Variants in IL15 observed in about 807,000 individuals in gnomAD.
IL15 encodes the protein interleukin-15.
In IL15, 11 loss-of-function variants were observed where a neutral mutation model predicts 19.6. The observed-to-expected ratio is 0.56, with a 90% CI of 0.35 to 0.93. The LOEUF (loss-of-function observed/expected upper bound fraction) is 0.93, where lower values mean the gene tolerates loss of function less well. IL15 is among the 40% of genes least tolerant of loss of function. IL15 has a pLI of 0.01. For synonymous variants in IL15, 58 were observed against 59.6 expected, an observed-to-expected ratio of 0.97 and a Z score of 0.12; for missense variants, 197 against 186.5, an observed-to-expected ratio of 1.06 and a Z score of -0.33.
chr4:141,667,154 A>C (rs1028878867), intron 2 of IL15, among the ~76,000 whole-genome samples: 9 of 152,228 alleles, frequency 5.9e-5, no homozygotes, highest in Admixed American at 5.9e-4. Flanking sequence ...GCATCTCTTC[A>C]TCTGACTGTT....
intron 1 of IL15, among the ~76,000 whole-genome samples, chr4:141,646,417 CT>C (rs1727226423): frequency 6.6e-6 from 1 of 152,078 alleles, no homozygotes. Context: ...GCTGTTCCTT[CT>C]TCCTAGAATG....
At chr4:141,645,209 G>A (rs1578984694) in intron 1 of IL15, among the ~76,000 whole-genome samples, 1 of 152,138 alleles carries the variant, frequency 6.6e-6, no homozygotes, top group African/African-American at 2.4e-5. Context: ...GAAAATCCTT[G>A]AGACAAGTTC....
At chr4:141,658,110 A>T (rs541305132) in intron 2 of IL15, among the ~76,000 whole-genome samples, 1 of 151,934 alleles carries the variant, frequency 6.6e-6, no homozygotes, top group African/African-American at 2.4e-5. Context: ...CATGGGGCAA[A>T]CTTCCCCCTT....
chr4:141,712,313 G>T (rs568682539), intron 2 of IL15, among the ~76,000 whole-genome samples: 65 of 152,168 alleles, frequency 4.3e-4, no homozygotes, highest in African/African-American at 1.5e-3. Flanking sequence ...ATTGTTTCCG[G>T]ACAGTAGGTT....
At chr4:141,651,277 G>A (rs1208315929) in intron 1 of IL15, among the ~76,000 whole-genome samples, 1 of 151,878 alleles carries the variant, frequency 6.6e-6, no homozygotes, top group African/African-American at 2.4e-5. Flanking sequence ...CACGTCTTTT[G>A]CAGCAACATG....
chr4:141,714,181 T>C (rs1381276042), intron 2 of IL15, among the ~76,000 whole-genome samples: 4 of 152,022 alleles, frequency 2.6e-5, no homozygotes, highest in Non-Finnish European at 4.4e-5. Flanking sequence ...AAAATGGAAG[T>C]AATAGTAGAA....
At chr4:141,649,283 T>C (rs888314902) in intron 1 of IL15, among the ~76,000 whole-genome samples, 36 of 152,116 alleles carry the variant, frequency 2.4e-4, no homozygotes, top group African/African-American at 8.2e-4. Context: ...AATATTTCAA[T>C]AGTTAACATT....
intron 2 of IL15, among the ~76,000 whole-genome samples, chr4:141,701,190 T>C (rs1411837817): frequency 6.6e-6 from 1 of 152,126 alleles, no homozygotes; most frequent in African/African-American, 2.4e-5. Flanking sequence ...AGAACCTTGT[T>C]TTGTCATATT....
intron 2 of IL15, among the ~76,000 whole-genome samples, chr4:141,678,854 C>A (rs527399329): frequency 6.6e-6 from 1 of 152,298 alleles, no homozygotes; most frequent in South Asian, 2.1e-4. Flanking sequence ...CCTGCCCAGG[C>A]CTCCCAAAGT....
chr4:141,694,698 A>G (rs912546737), intron 2 of IL15, among the ~76,000 whole-genome samples: 1 of 152,158 alleles, frequency 6.6e-6, no homozygotes, highest in East Asian at 1.9e-4. Context: ...TTTCAAATTT[A>G]TAACTCCAGC....
chr4:141,684,763 ATTAT>A (rs1175001437), intron 2 of IL15, among the ~76,000 whole-genome samples: 7 of 152,102 alleles, frequency 4.6e-5, no homozygotes, highest in Admixed American at 2.0e-4. Flanking sequence ...AGTATTATTT[ATTAT>A]TTATTTTTTC....
rs2152195019 is a variant in IL15, at chr4:141,732,973, C to G, written c.*125C>G. 7.1e-7 allele frequency: 1 copy of G among 1,414,062 alleles called. No individual in the cohort carries two copies. The highest frequency in any genetic ancestry group is 9.3e-7 in the Non-Finnish European group (1 of 1,074,920). The allele number at this position is 1,414,062 out of a possible 1,614,324, so 87.6% of individuals were successfully genotyped here. A position where few individuals can be genotyped will look rare whatever the true frequency, so the allele number is the denominator to read the frequency against. On this transcript the variant is annotated 3_prime_UTR_variant, in exon 8 of 8. Coordinates refer to ENST00000320650, the MANE Select transcript of IL15 (RefSeq NM_000585.5). ...CAAGTTTTTCTGTCAAGAAGATGAT[C>G]AGACCTTGGATCAGATGAACTCTTA... is the stretch of plus-strand genomic sequence containing the variant.
intron 2 of IL15, among the ~76,000 whole-genome samples, chr4:141,710,116 G>A (rs1349151320): frequency 6.6e-6 from 1 of 152,110 alleles, no homozygotes; most frequent in Admixed American, 6.6e-5. Context: ...GTATTCCAAG[G>A]TGTATATATA....
chr4:141,684,490 T>C (rs1182234936), intron 2 of IL15, among the ~76,000 whole-genome samples: 3 of 152,224 alleles, frequency 2.0e-5, no homozygotes, highest in African/African-American at 7.2e-5. Flanking sequence ...GCAAATCATA[T>C]CAGATTCCTC....
chr4:141,663,882 T>C (rs1727876333), intron 2 of IL15, among the ~76,000 whole-genome samples: 1 of 151,748 alleles, frequency 6.6e-6, no homozygotes, highest in African/African-American at 2.4e-5. Context: ...GAGGAGAGAG[T>C]AGGAGGTCAG....
At chr4:141,673,880 C>A (rs918255454) in intron 2 of IL15, among the ~76,000 whole-genome samples, 1 of 152,150 alleles carries the variant, frequency 6.6e-6, no homozygotes, top group South Asian at 2.1e-4. Flanking sequence ...ATGATCTGCT[C>A]TTTTCATTCA....
chr4:141,721,951 A>G lies in IL15; in HGVS notation c.138A>G (p.Thr46=). Residue 46 remains threonine, a synonymous_variant, in exon 5 of 8, where the codon ACA becomes ACG. Coordinates refer to ENST00000320650, the MANE Select transcript of IL15 (RefSeq NM_000585.5). ...GTTTCAGTGCAGGGCTTCCTAAAAC[A>G]GAAGCCAACTGGGTGAATGTAATAA... is the stretch of plus-strand genomic sequence containing the variant. ...LGCFSAGLPK[T]EANWVNVISD... The G allele has an allele frequency of 6.3e-7, 1 of 1,596,148 alleles. No homozygotes were observed. Among genetic ancestry groups the G allele is most frequent in the East Asian group, 2.3e-5 (1 of 44,430 alleles).
At chr4:141,670,819 G>T (rs1445161255) in intron 2 of IL15, among the ~76,000 whole-genome samples, 1 of 152,134 alleles carries the variant, frequency 6.6e-6, no homozygotes, top group African/African-American at 2.4e-5. Context: ...AAGTGTTTGA[G>T]AGAAACATTG....
intron 2 of IL15, among the ~76,000 whole-genome samples, chr4:141,673,935 A>G (rs1376784348): frequency 1.3e-5 from 2 of 152,224 alleles, no homozygotes; most frequent in African/African-American, 4.8e-5. Context: ...TGGACCAGCT[A>G]AACAATGTAA....
Sources: allele counts gnomAD v4.1 joint callset (sites outside exome capture counted in the v4.1 genomes callset), GRCh38; gene constraint gnomAD v4.1.1; transcripts MANE v1.5; gene names NCBI Gene and HGNC (gene_info 2026-07-23, HGNC 2026-07-21).